The following PSMD1 variants were observed in gnomAD, a reference collection of about 807,000 sequenced individuals.
The protein encoded by PSMD1 is 26S proteasome non-ATPase regulatory subunit 1.
PSMD1 carries 18 observed loss-of-function variants against 119.0 expected under a neutral mutation model. The observed-to-expected ratio is 0.15, with a 90% CI of 0.10 to 0.22. The LOEUF is 0.22. Among genes scored for constraint, PSMD1 ranks in the 10% least tolerant of loss-of-function variants. PSMD1 has a pLI of 1.00. For synonymous variants in PSMD1, 374 were observed against 396.6 expected (o/e 0.94, Z 0.68); for missense variants, 702 against 1,158.5 (o/e 0.61, Z 5.72).
At chr2:231,090,185 G>C (rs1008972480) in intron 16 of PSMD1, among the ~76,000 whole-genome samples, 5 of 152,246 alleles carry the variant, frequency 3.3e-5, no homozygotes, top group African/African-American at 1.2e-4. Flanking sequence ...CCATTCTGCA[G>C]CCTGTGGATC....
chr2:231,090,687 G>A (rs900205725), intron 16 of PSMD1, among the ~76,000 whole-genome samples: 4 of 152,224 alleles, frequency 2.6e-5, no homozygotes, highest in African/African-American at 7.2e-5. Flanking sequence ...GAACATTCAT[G>A]ATTCACAGGA....
chr2:231,136,539 G>A (rs559579496), intron 16 of PSMD1, among the ~76,000 whole-genome samples: 50 of 152,236 alleles, frequency 3.3e-4, no homozygotes, highest in Middle Eastern at 3.4e-3. Context: ...TTGTTCACAG[G>A]TATCTCCTTA....
intron 16 of PSMD1, among the ~76,000 whole-genome samples, chr2:231,100,518 G>A (rs1574728371): frequency 6.6e-6 from 1 of 152,230 alleles, no homozygotes; most frequent in South Asian, 2.1e-4. Flanking sequence ...GAGTTAGGGT[G>A]GAGCAGGTCA....
intron 16 of PSMD1, among the ~76,000 whole-genome samples, chr2:231,111,491 T>C (rs1403493698): frequency 6.6e-6 from 1 of 152,238 alleles, no homozygotes; most frequent in Non-Finnish European, 1.5e-5. Flanking sequence ...ACTGGTACTT[T>C]TTATGCCCTT....
chr2:231,138,706 A>G, intron 16 of PSMD1, 30 bp from the exon 17 acceptor site: 2 of 1,520,320 alleles, frequency 1.3e-6, no homozygotes, highest in Non-Finnish European at 1.8e-6. Flanking sequence ...ATTACCTATA[A>G]CAGTGGCTTC....
chr2:231,107,898 A>G (rs1429650072), intron 16 of PSMD1, among the ~76,000 whole-genome samples: 1 of 152,232 alleles, frequency 6.6e-6, no homozygotes, highest in East Asian at 1.9e-4. Flanking sequence ...AATATCAGTC[A>G]TTTAACAAAC....
At chr2:231,117,113 A>C (rs990118488) in intron 16 of PSMD1, among the ~76,000 whole-genome samples, 2 of 152,092 alleles carry the variant, frequency 1.3e-5, no homozygotes, top group African/African-American at 4.8e-5. Context: ...TTTTTTAGTT[A>C]GTATTAATTT....
At chr2:231,127,045 A>T (rs1252697849) in intron 16 of PSMD1, among the ~76,000 whole-genome samples, 1 of 152,106 alleles carries the variant, frequency 6.6e-6, no homozygotes, top group East Asian at 1.9e-4. Flanking sequence ...ACACGCACAG[A>T]CGTATACACA....
chr2:231,133,193 C>G (rs1452804739), intron 16 of PSMD1, among the ~76,000 whole-genome samples: 1 of 152,164 alleles, frequency 6.6e-6, no homozygotes, highest in Non-Finnish European at 1.5e-5. Flanking sequence ...GTGTCTCACT[C>G]TGTCGCCCAG....
intron 4 of PSMD1, among the ~76,000 whole-genome samples, chr2:231,066,435 T>C (rs1204249738): frequency 6.6e-6 from 1 of 152,258 alleles, no homozygotes; most frequent in African/African-American, 2.4e-5. Flanking sequence ...CAAATGTTTG[T>C]TTTTTGAAAG....
intron 1 of PSMD1, among the ~76,000 whole-genome samples, chr2:231,057,831 G>T (rs1435905970): frequency 6.6e-6 from 1 of 152,230 alleles, no homozygotes; most frequent in Non-Finnish European, 1.5e-5. Flanking sequence ...TAAGCTCCCC[G>T]TTACAGATTG....
intron 16 of PSMD1, among the ~76,000 whole-genome samples, chr2:231,121,603 A>G: frequency 6.6e-6 from 1 of 152,148 alleles, no homozygotes; most frequent in East Asian, 1.9e-4. Context: ...GAATACATGG[A>G]ATCTATTAAA....
chr2:231,105,106 T>C (rs1458345505), intron 16 of PSMD1, among the ~76,000 whole-genome samples: 3 of 152,214 alleles, frequency 2.0e-5, no homozygotes, highest in Admixed American at 2.0e-4. Flanking sequence ...AAAATTCTTA[T>C]GTATATTATC....
At chr2:231,057,448 C>T (rs1429053373) in intron 1 of PSMD1, among the ~76,000 whole-genome samples, 1 of 152,218 alleles carries the variant, frequency 6.6e-6, no homozygotes, top group Non-Finnish European at 1.5e-5. Flanking sequence ...TAAGGCAAAC[C>T]CCCCTGATCG....
intron 7 of PSMD1, among the ~76,000 whole-genome samples, chr2:231,073,019 G>A (rs1028506520): frequency 1.3e-5 from 2 of 152,064 alleles, no homozygotes; most frequent in African/African-American, 4.8e-5. Flanking sequence ...TTTCACTTAA[G>A]CACTCAGAGG....
In PSMD1 at chr2:231,080,172, C is replaced by A. The variant is rs1694274256; in HGVS notation, c.1271C>A (p.Ala424Glu). 1 of 1,613,266 alleles carries A rather than the reference C, an allele frequency of 6.2e-7. No homozygotes were observed. Among genetic ancestry groups the A allele is most frequent in the African/African-American group, 1.3e-5 (1 of 74,878 alleles). ...GHEKEALQLM[A>E]TYLPKDTSPG... is the part of the protein sequence containing the mutation. ...GAAAAAGAAGCATTACAGTTAATGGCAACATACCTTCCCAAGGATACTTCT... is the reference window on the plus strand; with the variant it reads ...GAAAAAGAAGCATTACAGTTAATGGAAACATACCTTCCCAAGGATACTTCT... The change falls in exon 12 of 25, where the codon GCA becomes GAA. Residue 424 changes from alanine (A) to glutamate (E), a missense_variant. Around this residue, in one of 9 missense-constraint regions of PSMD1, gnomAD observed 272 missense variants for 511.6 expected, o/e 0.53. Coordinates refer to ENST00000308696, the MANE Select transcript of PSMD1 (RefSeq NM_002807.4).
chr2:231,084,190 C>T (rs758782786), intron 14 of PSMD1, among the ~76,000 whole-genome samples: 5 of 151,572 alleles, frequency 3.3e-5, no homozygotes, highest in African/African-American at 1.2e-4. Context: ...CTCTGCTAAA[C>T]GTAGAAAAAA....
At chr2:231,091,241 G>A (rs189047227) in intron 16 of PSMD1, among the ~76,000 whole-genome samples, 200 of 152,324 alleles carry the variant, frequency 1.3e-3, no homozygotes, top group Non-Finnish European at 2.0e-3. Context: ...TCCTGCACAC[G>A]AATGATCACA....
rs1574713046 is a variant in PSMD1 at position 231,080,056 on chromosome 2, G to A, written c.1240-85G>A. ...CTCTCTTAGCAAGTGAACATTCTGGGGAAAAGGCAGTAATCATAGAAAACA... is the reference window on the plus strand; with the variant it reads ...CTCTCTTAGCAAGTGAACATTCTGGAGAAAAGGCAGTAATCATAGAAAACA... On this transcript the variant is annotated intron_variant, in intron 11 of 24. Transcript: ENST00000308696. The A allele has an allele frequency of 3.3e-6, 4 of 1,229,508 alleles. No homozygotes were observed. In the East Asian group the frequency reaches 1.0e-4, roughly 31 times the overall value. The allele number at this position is 1,229,508 out of a possible 1,614,324, so 76.2% of individuals were successfully genotyped here. A position where few individuals can be genotyped will look rare whatever the true frequency, so the allele number is the denominator to read the frequency against.
Sources: gnomAD v4.1 joint callset for allele counts (sites outside exome capture counted in the v4.1 genomes callset) on GRCh38, gnomAD v4.1.1 for gene constraint, gnomAD v4.1.1 regional missense constraint, MANE v1.5 for transcripts, NCBI Gene and HGNC (gene_info 2026-07-23, HGNC 2026-07-21) for gene names.